The following HTRA3 variants were observed in gnomAD, a reference collection of about 807,000 sequenced individuals.
HTRA3 encodes the protein serine protease HTRA3.
In HTRA3, 41 loss-of-function variants were observed where a neutral mutation model predicts 43.2. The ratio of observed to expected loss-of-function variants is 0.95; its 90% confidence interval spans 0.74 to 1.23. HTRA3 has a LOEUF of 1.23. Ranked by LOEUF, HTRA3 falls within the 50% of genes most tolerant of loss-of-function variation. The pLI, the probability that HTRA3 is intolerant of heterozygous loss-of-function variation, is 0.00. For missense variants in HTRA3, 628 were observed against 647.1 expected (o/e 0.97, Z 0.32); for synonymous variants, 295 against 287.9 (o/e 1.02, Z -0.25).
chr4:8,273,557 C>T (rs1712388502), intron 1 of HTRA3, among the ~76,000 whole-genome samples: 1 of 146,524 alleles, frequency 6.8e-6, no homozygotes, highest in African/African-American at 2.5e-5. Context: ...AGCTCATCTG[C>T]CATGAAGTCC....
chr4:8,291,045 C>T (rs915338543), intron 3 of HTRA3, among the ~76,000 whole-genome samples: 4 of 152,202 alleles, frequency 2.6e-5, no homozygotes, highest in Non-Finnish European at 2.9e-5. Flanking sequence ...TTTTTAGAGG[C>T]CATGTGACCA....
At chr4:8,277,444 T>C (rs1235183910) in intron 1 of HTRA3, among the ~76,000 whole-genome samples, 1 of 146,898 alleles carries the variant, frequency 6.8e-6, no homozygotes, top group African/African-American at 2.4e-5. Flanking sequence ...AGGCCACAGG[T>C]ACACTCCCAA....
At chr4:8,275,898 C>T (rs1009777800) in intron 1 of HTRA3, among the ~76,000 whole-genome samples, 1 of 152,252 alleles carries the variant, frequency 6.6e-6, no homozygotes, top group Non-Finnish European at 1.5e-5. Context: ...CCAGCCAGTG[C>T]TCTGAATACC....
chr4:8,286,998 G>T lies in HTRA3; in HGVS notation c.708+215G>T, dbSNP rs1329777883. ...CTCCTTGTCCTGCGCTCCCTGAGCCGCTAGGTGCAGGGCAGAGCCAGGAAG... is the reference window on the plus strand; with the variant it reads ...CTCCTTGTCCTGCGCTCCCTGAGCCTCTAGGTGCAGGGCAGAGCCAGGAAG... On this transcript the variant is annotated intron_variant, in intron 3 of 8. Coordinates refer to ENST00000307358, the MANE Select transcript of HTRA3 (RefSeq NM_053044.5). The surrounding 1 kb of genome is among the most constrained non-coding windows in gnomAD (Gnocchi z 4.9). Among the ~76,000 whole-genome samples, 1 of 152,274 alleles carries T rather than the reference G, an allele frequency of 6.6e-6. No homozygotes were observed. Among genetic ancestry groups the T allele is most frequent in the East Asian group, 1.9e-4 (1 of 5,186 alleles).
rs558767790 is a variant in HTRA3 at position 8,292,277 on chromosome 4, C to G, written c.904-44C>G. 5.7e-6 allele frequency: 9 copies of G among 1,592,788 alleles called. No homozygotes were observed. The African/African-American group carries it at 6.7e-5, about 12-fold the overall frequency. ...CTGGAGAAGGGGCTCCAGGAAGCCTCAGGCGGGGTCAGGCACAGCTAATGC... is the reference window on the plus strand; with the variant it reads ...CTGGAGAAGGGGCTCCAGGAAGCCTGAGGCGGGGTCAGGCACAGCTAATGC... On this transcript the variant is annotated intron_variant, in intron 4 of 8. Coordinates refer to ENST00000307358, the MANE Select transcript of HTRA3 (RefSeq NM_053044.5).
chr4:8,279,239 T>C lies in HTRA3; in HGVS notation c.386-3198T>C, dbSNP rs1712646946. On this transcript the variant is annotated intron_variant, in intron 1 of 8. Transcript: ENST00000307358. This position sits in a 1 kb window ranked among gnomAD's most constrained non-coding sequence, Gnocchi z 7.4. ...TCTCCCTCCCTGTTTTATTTTCTCT[T>C]TGAAAAATGAAAAAAAGTCACTGTA... is the stretch of plus-strand genomic sequence containing the variant. Among the ~76,000 whole-genome samples the C allele has an allele frequency of 6.6e-6, 1 of 152,156 alleles. No individual in the cohort carries two copies. Among genetic ancestry groups the C allele is most frequent in the East Asian group, 1.9e-4 (1 of 5,196 alleles).
chr4:8,297,849 G>A lies in HTRA3; in HGVS notation c.1051+3648G>A, dbSNP rs149146453. ...CTGCTTGTGGGATGGACCCACCAAT[G>A]TCCACAGGCAGTTCCCACTAAGAGC... is the stretch of plus-strand genomic sequence containing the variant. On this transcript the variant is annotated intron_variant, in intron 6 of 8. Coordinates refer to ENST00000307358, the MANE Select transcript of HTRA3 (RefSeq NM_053044.5). The surrounding 1 kb of genome is among the most constrained non-coding windows in gnomAD (Gnocchi z 5.8). 2.4e-3 allele frequency among the ~76,000 whole-genome samples: 367 copies of A among 152,188 alleles called. 1 individual carries two copies. Among genetic ancestry groups the A allele is most frequent in the Non-Finnish European group, 4.0e-3 (270 of 67,974 alleles).
chr4:8,289,201 C>T (rs779676159), intron 3 of HTRA3, among the ~76,000 whole-genome samples: 88 of 151,942 alleles, frequency 5.8e-4, no homozygotes, highest in Middle Eastern at 3.4e-3. Flanking sequence ...CCTCCTGCCT[C>T]GGCCTCCCAA....
chr4:8,298,615 A>G (rs892499334), intron 6 of HTRA3, among the ~76,000 whole-genome samples: 1 of 152,098 alleles, frequency 6.6e-6, no homozygotes, highest in Non-Finnish European at 1.5e-5. Context: ...TTTCTTCTAG[A>G]AGTTTTACTT....
Position 8,286,567 on chromosome 4 carries a change from G to A in HTRA3, c.492G>A (p.Pro164=), listed in dbSNP as rs149150956. The A allele has an allele frequency of 2.5e-4, 396 of 1,613,454 alleles. 1 individual carries two copies. In the Middle Eastern group the frequency reaches 3.1e-3, roughly 13 times the overall value. The change falls in exon 3 of 9, where the codon CCG becomes CCA. Residue 164 remains proline, a synonymous_variant. Transcript: ENST00000307358. This position sits in a 1 kb window ranked among gnomAD's most constrained non-coding sequence, Gnocchi z 4.9. The stretch of plus-strand genomic sequence containing the variant: ...TGTGTCTCCCTGGCTGCAGACACCC[G>A]CTGTTTGGCCGCAACGTGCCCCTGT... ...VVHIELFLRH[P]LFGRNVPLSS...
rs1578800772 is a variant in HTRA3, at chr4:8,291,444, T to G, written c.783T>G (p.Ser261Arg). 2.5e-6 allele frequency: 4 copies of G among 1,613,182 alleles called. No individual in the cohort carries two copies. In the East Asian group the frequency reaches 8.9e-5, roughly 36 times the overall value. ...GGGAGTTTGTGGTGGCCATCGGCAG[T>G]CCCTTCGCCCTACAGAACACAGTGA... is the stretch of plus-strand genomic sequence containing the variant. ...RPGEFVVAIG[S>R]PFALQNTVTT... The change falls in exon 4 of 9, where the codon AGT becomes AGG. Residue 261 changes from serine to arginine, a missense_variant. Ser to Arg is a moderately radical substitution (Grantham distance 110). Transcript: ENST00000307358.
intron 1 of HTRA3, among the ~76,000 whole-genome samples, chr4:8,271,910 G>T (rs543346767): frequency 6.6e-6 from 1 of 152,202 alleles, no homozygotes; most frequent in African/African-American, 2.4e-5. Context: ...GATGAGGTCC[G>T]GCTTGTGTTG....
chr4:8,289,167 C>T (rs1220209696), intron 3 of HTRA3, among the ~76,000 whole-genome samples: 2 of 151,770 alleles, frequency 1.3e-5, no homozygotes, highest in East Asian at 3.9e-4. Flanking sequence ...CCAGGCTGGT[C>T]TAGAACTCGT....
At position 8,295,250 on chromosome 4, in the gene HTRA3, C is replaced by G. The variant is rs1040248888; in HGVS notation, c.1051+1049C>G. On this transcript the variant is annotated intron_variant, in intron 6 of 8. Transcript: ENST00000307358. The surrounding 1 kb of genome is among the most constrained non-coding windows in gnomAD (Gnocchi z 6.9). ...GAGTACTTCCTCTTCCAGCCTGTGG[C>G]CCATGGAGATCACATGGTAGAATAT... Among the ~76,000 whole-genome samples the G allele has an allele frequency of 2.0e-5, 3 of 152,146 alleles. No individual in the cohort carries two copies. The highest frequency in any genetic ancestry group is 7.2e-5 in the African/African-American group (3 of 41,436).
At chr4:8,282,747 T>C (rs190815642) in intron 2 of HTRA3, among the ~76,000 whole-genome samples, 71 of 152,362 alleles carry the variant, frequency 4.7e-4, no homozygotes, top group African/African-American at 1.6e-3. Flanking sequence ...CTGCTGGAGC[T>C]GTAGGCACCA....
intron 4 of HTRA3, 76 bp from the exon 5 acceptor site, chr4:8,292,245 G>C (rs918177478): frequency 2.3e-6 from 3 of 1,305,266 alleles, no homozygotes; most frequent in Non-Finnish European, 3.3e-6. Context: ...ACTGGTTAGA[G>C]GCAGATCTGG....
chr4:8,287,820 G>A (rs374561741), intron 3 of HTRA3, among the ~76,000 whole-genome samples: 8 of 152,188 alleles, frequency 5.3e-5, no homozygotes, highest in African/African-American at 1.2e-4. Context: ...AGATCACAGC[G>A]CACTGGAGCA....
chr4:8,299,551 C>T (rs1479297704), intron 6 of HTRA3, among the ~76,000 whole-genome samples: 3 of 152,032 alleles, frequency 2.0e-5, no homozygotes, highest in Non-Finnish European at 4.4e-5. Context: ...TTGTCCCGTT[C>T]GTGATCTTGG....
At chr4:8,287,025 A>T (rs919563236) in intron 3 of HTRA3, among the ~76,000 whole-genome samples, 1 of 152,196 alleles carries the variant, frequency 6.6e-6, no homozygotes. Flanking sequence ...GCCAGGAAGC[A>T]TGTGGCCCAC....
Sources: allele counts gnomAD v4.1 joint callset (sites outside exome capture counted in the v4.1 genomes callset), GRCh38; gene constraint gnomAD v4.1.1; non-coding constraint Gnocchi (gnomAD v3.1); transcripts MANE v1.5; gene names NCBI Gene and HGNC (gene_info 2026-07-23, HGNC 2026-07-21).